The following MED12L variants were observed in gnomAD, a reference collection of about 807,000 sequenced individuals.
MED12L encodes mediator complex subunit 12L.
Under a neutral mutation model 281.3 loss-of-function variants are expected in MED12L, and 60 were observed. The observed-to-expected ratio is 0.21, with a 90% CI of 0.17 to 0.26. The LOEUF is 0.26. Ranked by LOEUF, MED12L falls within the 10% of genes least tolerant of loss-of-function variation. The probability of loss-of-function intolerance (pLI) is 1.00; values close to 1 mark genes in which losing one functional copy is unlikely to be tolerated. For missense variants in MED12L, 2,146 were observed against 2,680.9 expected (o/e 0.80, Z 4.41); for synonymous variants, 974 against 987.2 (o/e 0.99, Z 0.25).
chr3:151,408,823 A>C (rs1270232060), intron 39 of MED12L, among the ~76,000 whole-genome samples: 1 of 152,242 alleles, frequency 6.6e-6, no homozygotes, highest in Non-Finnish European at 1.5e-5. Context: ...AGCTTCATTA[A>C]AAAGTCATAA....
intron 16 of MED12L, among the ~76,000 whole-genome samples, chr3:151,346,677 A>G (rs991878986): frequency 6.6e-6 from 1 of 152,064 alleles, no homozygotes; most frequent in African/African-American, 2.4e-5. Context: ...ATGTATGTGC[A>G]CCATTTGCTG....
chr3:151,275,579 GCT>G (rs1741715640), intron 16 of MED12L, among the ~76,000 whole-genome samples: 1 of 152,156 alleles, frequency 6.6e-6, no homozygotes, highest in African/African-American at 2.4e-5. Flanking sequence ...GAGAAGCTTT[GCT>G]GTGGTAAACT....
intron 17 of MED12L, among the ~76,000 whole-genome samples, chr3:151,353,377 A>G (rs1038298560): frequency 6.6e-6 from 1 of 152,256 alleles, no homozygotes; most frequent in South Asian, 2.1e-4. Flanking sequence ...AAAATTTCAT[A>G]CATAATTTGT....
chr3:151,189,764 A>G (rs1723729033), intron 13 of MED12L, among the ~76,000 whole-genome samples: 1 of 152,228 alleles, frequency 6.6e-6, no homozygotes. Flanking sequence ...TTGCAGGTTC[A>G]TCTTACAAAT....
At position 151,211,554 on chromosome 3, in the gene MED12L, A is replaced by AG. The variant is rs552335519; in HGVS notation, c.2250+17891dup. On this transcript the variant is annotated intron_variant, in intron 16 of 44. Transcript: ENST00000687756. Reference sequence around the variant, plus strand: ...TTAGAACAGTGGAAAGTAGATACTGAGGGAAAAAAAACCTGTCCAGCTTTT... The same window carrying AG: ...TTAGAACAGTGGAAAGTAGATACTGAGGGGAAAAAAAACCTGTCCAGCTTTT... 1.2e-4 allele frequency among the ~76,000 whole-genome samples: 19 copies of AG among 152,274 alleles called. 2 individuals carry two copies. The South Asian group carries it at 3.3e-3, about 27-fold the overall frequency.
chr3:151,156,642 A>T (rs1719326297), intron 6 of MED12L, among the ~76,000 whole-genome samples: 2 of 152,192 alleles, frequency 1.3e-5, no homozygotes, highest in African/African-American at 4.8e-5. Context: ...ATATTTATTT[A>T]AAAACACCTT....
rs192703665 is a variant in MED12L at position 151,264,933 on chromosome 3, T to A, written c.2250+71267T>A. On this transcript the variant is annotated intron_variant, in intron 16 of 44. Transcript: ENST00000687756. The stretch of plus-strand genomic sequence containing the variant: ...CTTGTAGCCACACTGGCCTTCTTGC[T>A]CTTGCTCCTCCACTTCAAAGATAAC... Among the ~76,000 whole-genome samples, 20 of 149,102 alleles carry A rather than the reference T, an allele frequency of 1.3e-4. 1 individual carries two copies. Among genetic ancestry groups the A allele is most frequent in the Admixed American group, 1.2e-3 (18 of 15,264 alleles).
chr3:151,374,312 C>T (rs1356174228), intron 27 of MED12L, among the ~76,000 whole-genome samples: 2 of 152,180 alleles, frequency 1.3e-5, no homozygotes, highest in African/African-American at 2.4e-5. Context: ...CTTTGGGAGG[C>T]TGAGGCAGGT....
At chr3:151,165,704 G>T in intron 10 of MED12L, 142 bp from the exon 11 acceptor site, 1 of 1,017,736 alleles carries the variant, frequency 9.8e-7, no homozygotes, top group Non-Finnish European at 1.5e-6. Flanking sequence ...GTTTGGTTTT[G>T]TTGATGATTG....
chr3:151,339,880 G>A (rs1001823247), intron 16 of MED12L, among the ~76,000 whole-genome samples: 10 of 152,062 alleles, frequency 6.6e-5, no homozygotes, highest in Admixed American at 5.9e-4. Context: ...TTTCACCAGA[G>A]ATAAGTGAAA....
intron 16 of MED12L, among the ~76,000 whole-genome samples, chr3:151,237,048 T>C (rs1732967763): frequency 6.7e-6 from 1 of 148,672 alleles, no homozygotes; most frequent in South Asian, 2.1e-4. Flanking sequence ...TGCCAAACTT[T>C]TTTTTTTTTT....
At chr3:151,256,086 A>G (rs1052981167) in intron 16 of MED12L, among the ~76,000 whole-genome samples, 1 of 152,214 alleles carries the variant, frequency 6.6e-6, no homozygotes, top group African/African-American at 2.4e-5. Flanking sequence ...ATACAGTGCT[A>G]TGCTTTGTGT....
intron 39 of MED12L, among the ~76,000 whole-genome samples, chr3:151,402,999 C>T (rs1347483359): frequency 6.6e-6 from 1 of 150,948 alleles, no homozygotes; most frequent in Non-Finnish European, 1.5e-5. Context: ...TGCTGTCATT[C>T]CTTCCTTTTT....
chr3:151,087,925 C>G (rs762643266), intron 2 of MED12L, among the ~76,000 whole-genome samples: 1 of 151,852 alleles, frequency 6.6e-6, no homozygotes, highest in East Asian at 1.9e-4. Context: ...CCCAGCAGTG[C>G]TTTCTGAGTT....
intron 5 of MED12L, among the ~76,000 whole-genome samples, chr3:151,135,473 G>A (rs1037292548): frequency 4.6e-5 from 7 of 152,208 alleles, no homozygotes; most frequent in Non-Finnish European, 5.9e-5. Flanking sequence ...GTGTTACTCC[G>A]TTGGGAACTT....
intron 39 of MED12L, among the ~76,000 whole-genome samples, chr3:151,404,570 C>A (rs1036945260): frequency 3.9e-5 from 6 of 152,226 alleles, no homozygotes; most frequent in Non-Finnish European, 7.3e-5. Flanking sequence ...TCAGTAACTT[C>A]CAAACTAGGA....
At chr3:151,331,209 A>C (rs188800651) in intron 16 of MED12L, among the ~76,000 whole-genome samples, 2 of 152,130 alleles carry the variant, frequency 1.3e-5, no homozygotes, top group East Asian at 3.9e-4. Context: ...TAGATCATTC[A>C]TTTCTATGTG....
intron 16 of MED12L, among the ~76,000 whole-genome samples, chr3:151,322,889 C>T (rs2149830684): frequency 6.6e-6 from 1 of 152,144 alleles, no homozygotes; most frequent in East Asian, 1.9e-4. Flanking sequence ...AAGATTATTC[C>T]CTAGACCTCT....
At chr3:151,095,731 T>G (rs1227026670) in intron 2 of MED12L, among the ~76,000 whole-genome samples, 6 of 152,172 alleles carry the variant, frequency 3.9e-5, no homozygotes, top group African/African-American at 1.4e-4. Flanking sequence ...TAAAAACTTT[T>G]TTTTCTTTTT....
Sources: gnomAD v4.1 joint callset for allele counts (sites outside exome capture counted in the v4.1 genomes callset) on GRCh38, gnomAD v4.1.1 for gene constraint, MANE v1.5 for transcripts, NCBI Gene and HGNC (gene_info 2026-07-23, HGNC 2026-07-21) for gene names.